Variants in TNS1 observed in about 807,000 individuals in gnomAD.
TNS1 encodes tensin 1.
A neutral mutation model predicts 168.6 loss-of-function variants in TNS1; 62 were observed. The observed-to-expected ratio is 0.37, with a 90% CI of 0.30 to 0.45. TNS1 has a LOEUF of 0.45. Among genes scored for constraint, TNS1 ranks in the 20% least tolerant of loss-of-function variants. The probability of loss-of-function intolerance (pLI) is 1.00; values close to 1 mark genes in which losing one functional copy is unlikely to be tolerated. For synonymous variants in TNS1, 934 were observed against 933.2 expected, an observed-to-expected ratio of 1.00 and a Z score of -0.02; for missense variants, 2,240 against 2,339.4, an observed-to-expected ratio of 0.96 and a Z score of 0.88.
At chr2:217,966,783 G>A (rs1334178417) in intron 3 of TNS1, among the ~76,000 whole-genome samples, 1 of 152,214 alleles carries the variant, frequency 6.6e-6, no homozygotes, top group African/African-American at 2.4e-5. Context: ...GTGGGGAGTA[G>A]AGGCTGAGTG....
Position 217,948,952 on chromosome 2 carries a change from A to G in TNS1, c.187-28716T>C, listed in dbSNP as rs1957179493. On this transcript the variant is annotated intron_variant, in intron 3 of 32. Coordinates refer to ENST00000682258, the MANE Select transcript of TNS1 (RefSeq NM_001387777.1). The surrounding 1 kb of genome is among the most constrained non-coding windows in gnomAD (Gnocchi z 4.1). Reference sequence around the variant, plus strand: ...AGCTTCCTACTCAGATTTGTACCATAGTGTCAGGGCAGAGGATGGAAAGGG... The same window carrying G: ...AGCTTCCTACTCAGATTTGTACCATGGTGTCAGGGCAGAGGATGGAAAGGG... 1.3e-5 allele frequency among the ~76,000 whole-genome samples: 2 copies of G among 152,150 alleles called. No individual in the cohort carries two copies. The highest frequency in any genetic ancestry group is 4.2e-4 in the South Asian group (2 of 4,812).
At chr2:217,893,084 C>G in intron 10 of TNS1, 72 bp from the exon 11 acceptor site, 2 of 1,580,626 alleles carry the variant, frequency 1.3e-6, no homozygotes, top group South Asian at 2.2e-5. Context: ...TATCTAGAAG[C>G]CTTGGTGGAA....
chr2:217,872,433 T>C (rs1190807151), intron 18 of TNS1, among the ~76,000 whole-genome samples: 3 of 152,222 alleles, frequency 2.0e-5, no homozygotes, highest in African/African-American at 4.8e-5. Flanking sequence ...AGATCCATAA[T>C]GGCCAATTAA....
chr2:217,886,441 G>C (rs1431706880), intron 13 of TNS1, 93 bp downstream of exon 13: 1 of 1,031,656 alleles, frequency 9.7e-7, no homozygotes, highest in African/African-American at 1.6e-5. Context: ...CTCTCGGGCT[G>C]TCTGTTACTA....
At position 217,836,104 on chromosome 2, in the gene TNS1, G is replaced by A. The variant is rs1274478864; in HGVS notation, c.3115C>T (p.Arg1039Cys). The A allele has an allele frequency of 5.6e-6, 9 of 1,613,954 alleles. No homozygotes were observed. Among genetic ancestry groups the A allele is most frequent in the South Asian group, 3.3e-5 (3 of 91,074 alleles). The change falls in exon 20 of 33, where the codon CGT (arginine) becomes TGT (cysteine). Residue 1039 changes from arginine to cysteine, a missense_variant. Physicochemically the swap from Arg to Cys is radical, Grantham distance 180. Around this residue, in one of 2 missense-constraint regions of TNS1, gnomAD observed 2,131 missense variants for 2,171.2 expected, o/e 0.98. Transcript: ENST00000682258. Reference sequence around the variant, plus strand: ...ACAGGGGAGCGAACCCCAGGGCTACGAGGGGATGTGGCTTCTGGAGACTGG... The same window carrying A: ...ACAGGGGAGCGAACCCCAGGGCTACAAGGGGATGTGGCTTCTGGAGACTGG... Reference protein sequence around the residue: ...ENQSPEATSPRSPGVRSPVQC... With the variant: ...ENQSPEATSPCSPGVRSPVQC...
At position 217,882,366 on chromosome 2, in the gene TNS1, T is replaced by C; in HGVS notation, c.1292A>G (p.Tyr431Cys). Residue 431 changes from tyrosine (Y) to cysteine (C), a missense_variant, in exon 17 of 33, where the codon TAT (tyrosine) becomes TGT (cysteine). By Grantham distance (194) the Tyr-to-Cys change is radical (BLOSUM62 -2). Around this residue, in one of 2 missense-constraint regions of TNS1, gnomAD observed 2,131 missense variants for 2,171.2 expected, o/e 0.98. Coordinates refer to ENST00000682258, the MANE Select transcript of TNS1 (RefSeq NM_001387777.1). ...TATACCTTGAATTTTCTCTGGCCCA[T>C]AAGAAAATACAAACTCCACTTTGCC... ...EYGKVEFVFS[Y>C]GPEKIQGMEH... 2.5e-6 allele frequency: 4 copies of C among 1,605,276 alleles called. No homozygotes were observed. The highest frequency in any genetic ancestry group is 1.3e-5 in the African/African-American group (1 of 74,584).
At chr2:217,904,427 A>G (rs1953410999) in intron 6 of TNS1, among the ~76,000 whole-genome samples, 1 of 152,152 alleles carries the variant, frequency 6.6e-6, no homozygotes, top group Non-Finnish European at 1.5e-5. Context: ...GACTGGCTCA[A>G]TGACCCTGGA....
chr2:217,894,588 T>C (rs556606909), intron 9 of TNS1, among the ~76,000 whole-genome samples: 7 of 152,018 alleles, frequency 4.6e-5, no homozygotes, highest in Admixed American at 1.3e-4. Context: ...ACCCAGGAAG[T>C]GGAGGTTGTA....
rs139860483 is a variant in TNS1 at position 217,965,009 on chromosome 2, G to A, written c.186+13756C>T. ...GGGTGTCAAAGATCCTTGGCAGGGC[G>A]GAGCAGAGATAAACAACTGCAGGGG... is the stretch of plus-strand genomic sequence containing the variant. On this transcript the variant is annotated intron_variant, in intron 3 of 32. Coordinates refer to ENST00000682258, the MANE Select transcript of TNS1 (RefSeq NM_001387777.1). Among the ~76,000 whole-genome samples the A allele has an allele frequency of 3.6e-3, 548 of 152,294 alleles. 3 individuals carry two copies. The highest frequency in any genetic ancestry group is 0.012 in the African/African-American group (501 of 41,546).
chr2:217,840,130 A>G (rs1418130387), intron 19 of TNS1, among the ~76,000 whole-genome samples: 2 of 152,242 alleles, frequency 1.3e-5, no homozygotes, highest in Non-Finnish European at 2.9e-5. Flanking sequence ...GGGACCATGG[A>G]GGCACCAGAT....
chr2:217,830,891 G>T (rs1204129867), intron 22 of TNS1, among the ~76,000 whole-genome samples: 1 of 152,072 alleles, frequency 6.6e-6, no homozygotes, highest in Non-Finnish European at 1.5e-5. Context: ...GCTAGTCATG[G>T]GTTTCTCTGG....
chr2:217,969,344 T>C (rs1559393313), intron 3 of TNS1, among the ~76,000 whole-genome samples: 2 of 152,116 alleles, frequency 1.3e-5, no homozygotes, highest in African/African-American at 4.8e-5. Context: ...GACCTAAATA[T>C]AAGAGCCAAA....
In TNS1 at chr2:217,874,095, T is replaced by C. The variant is rs912574485; in HGVS notation, c.1429+6803A>G. On this transcript the variant is annotated intron_variant, in intron 18 of 32. Coordinates refer to ENST00000682258, the MANE Select transcript of TNS1 (RefSeq NM_001387777.1). ...GGAGCTGACAAGGGGGAGGAGCAAG[T>C]TCACCAGCACTGGGCGTATTTATTT... Among the ~76,000 whole-genome samples, 5 of 138,772 alleles carry C rather than the reference T, an allele frequency of 3.6e-5. No individual in the cohort carries two copies. In the East Asian group the frequency reaches 9.1e-4, roughly 25 times the overall value. 91.0% of individuals were successfully genotyped at this position (138,772 alleles called of 152,430 possible).
intron 18 of TNS1, among the ~76,000 whole-genome samples, chr2:217,857,594 G>A (rs1193596773): frequency 1.3e-5 from 2 of 152,206 alleles, no homozygotes; most frequent in African/African-American, 4.8e-5. Flanking sequence ...CTTCTTACTT[G>A]AATTCATACC....
chr2:217,931,613 G>A (rs906484973), intron 3 of TNS1, among the ~76,000 whole-genome samples: 3 of 152,170 alleles, frequency 2.0e-5, no homozygotes, highest in Non-Finnish European at 2.9e-5. Context: ...CAGGACAAGG[G>A]CGTAGAGACC....
rs1169008047 is a variant in TNS1 at position 218,033,495 on chromosome 2, C to T, written c.156+325G>A. Among the ~76,000 whole-genome samples the T allele has an allele frequency of 6.6e-6, 1 of 152,188 alleles. No individual in the cohort carries two copies. The highest frequency in any genetic ancestry group is 1.5e-5 in the Non-Finnish European group (1 of 68,026). ...TCGAGGAAGATTAACTCTTTCCCTA[C>T]CTTGCCCCAGCACTCCAGGCCTGCC... On this transcript the variant is annotated intron_variant, in intron 1 of 1. Coordinates refer to the TNS1 transcript ENST00000649572. The surrounding 1 kb of genome is among the most constrained non-coding windows in gnomAD (Gnocchi z 4.3).
chr2:217,918,131 G>A (rs950539714), intron 4 of TNS1, among the ~76,000 whole-genome samples: 2 of 152,214 alleles, frequency 1.3e-5, no homozygotes, highest in Admixed American at 1.3e-4. Flanking sequence ...AGTGAGGTGG[G>A]CCAGCATTGA....
At chr2:217,872,588 C>T (rs933694706) in intron 18 of TNS1, among the ~76,000 whole-genome samples, 4 of 152,220 alleles carry the variant, frequency 2.6e-5, no homozygotes, top group African/African-American at 9.6e-5. Context: ...AAGTCTCATA[C>T]ATTGCTGGTA....
At chr2:217,876,277 CT>C (rs1950193126) in intron 18 of TNS1, among the ~76,000 whole-genome samples, 2 of 152,190 alleles carry the variant, frequency 1.3e-5, no homozygotes, top group African/African-American at 4.8e-5. Context: ...AATTTGGAGC[CT>C]GCTTTATACA....
Sources: allele counts gnomAD v4.1 joint callset (sites outside exome capture counted in the v4.1 genomes callset), GRCh38; gene constraint gnomAD v4.1.1; regional missense constraint gnomAD v4.1.1; non-coding constraint Gnocchi (gnomAD v3.1); transcripts MANE v1.5; gene names NCBI Gene and HGNC (gene_info 2026-07-23, HGNC 2026-07-21).